Variants in PRKCA observed in about 807,000 individuals in gnomAD.
The protein encoded by PRKCA is protein kinase C alpha.
Under a neutral mutation model 87.0 loss-of-function variants are expected in PRKCA, and 27 were observed. That is an observed-to-expected ratio of 0.31 (90% CI 0.23 to 0.43). The LOEUF is 0.43. PRKCA is among the 20% of genes least tolerant of loss of function. The probability of loss-of-function intolerance (pLI) is 1.00; values close to 1 mark genes in which losing one functional copy is unlikely to be tolerated. For synonymous variants in PRKCA, 329 were observed against 311.1 expected, an observed-to-expected ratio of 1.06 and a Z score of -0.61; for missense variants, 518 against 852.3, an observed-to-expected ratio of 0.61 and a Z score of 4.88.
chr17:66,793,452 T>C (rs1221184958), intron 16 of PRKCA, among the ~76,000 whole-genome samples: 3 of 151,998 alleles, frequency 2.0e-5, no homozygotes, highest in African/African-American at 7.2e-5. Context: ...TAGCTGGGCA[T>C]GGTAGCACAC....
chr17:66,537,562 T>C (rs1267450129), intron 3 of PRKCA, among the ~76,000 whole-genome samples: 1 of 152,218 alleles, frequency 6.6e-6, no homozygotes, highest in African/African-American at 2.4e-5. Context: ...GAATGCCGTG[T>C]GGTCTTCAGA....
intron 8 of PRKCA, among the ~76,000 whole-genome samples, chr17:66,725,745 G>C (rs1023380663): frequency 2.0e-5 from 3 of 151,852 alleles, no homozygotes; most frequent in Non-Finnish European, 4.4e-5. Context: ...AGGAGGTTGA[G>C]GTTGCAGTGA....
chr17:66,748,059 A>T (rs1208926814), intron 13 of PRKCA, among the ~76,000 whole-genome samples: 1 of 152,206 alleles, frequency 6.6e-6, no homozygotes, highest in Non-Finnish European at 1.5e-5. Flanking sequence ...CTCAGCAGTA[A>T]CAGATGGTGC....
intron 2 of PRKCA, among the ~76,000 whole-genome samples, chr17:66,326,598 A>G (rs191589774): frequency 3.9e-5 from 6 of 152,186 alleles, no homozygotes; most frequent in Non-Finnish European, 8.8e-5. Context: ...AGCTGCTAGG[A>G]GCGCAGACAA....
intron 2 of PRKCA, among the ~76,000 whole-genome samples, chr17:66,467,672 T>C (rs914432819): frequency 6.6e-6 from 1 of 152,082 alleles, no homozygotes; most frequent in African/African-American, 2.4e-5. Context: ...ATCCTCCTGC[T>C]TCAACCTCCT....
At chr17:66,653,791 T>TAAAAAAAAAAAAAAAAAAAAAAAAA in intron 5 of PRKCA, among the ~76,000 whole-genome samples, 1 of 102,526 alleles carries the variant, frequency 9.8e-6, no homozygotes, top group Non-Finnish European at 2.0e-5. Flanking sequence ...TTCCAGCTCT[T>TAAAAAAAAAAAAAAAAAAAAAAAAA]AAAAAAAAAA....
At chr17:66,550,061 C>T (rs1309837253) in intron 3 of PRKCA, among the ~76,000 whole-genome samples, 5 of 152,058 alleles carry the variant, frequency 3.3e-5, no homozygotes, top group Admixed American at 6.5e-5. Flanking sequence ...TGAGAGAATC[C>T]CTGGCCTGTT....
At chr17:66,539,994 A>T (rs998077814) in intron 3 of PRKCA, among the ~76,000 whole-genome samples, 9 of 152,208 alleles carry the variant, frequency 5.9e-5, no homozygotes, top group Non-Finnish European at 1.3e-4. Context: ...TAATTTCGAA[A>T]ATCAATTTAA....
intron 3 of PRKCA, among the ~76,000 whole-genome samples, chr17:66,580,459 C>G (rs546174111): frequency 1.4e-4 from 22 of 152,294 alleles, no homozygotes; most frequent in African/African-American, 4.6e-4. Context: ...TCTTGGCTCT[C>G]CATATAGGCC....
chr17:66,541,190 T>C (rs1967973990), intron 3 of PRKCA, among the ~76,000 whole-genome samples: 1 of 152,150 alleles, frequency 6.6e-6, no homozygotes, highest in African/African-American at 2.4e-5. Context: ...AGGGGTTTTG[T>C]TTTATTTTTT....
chr17:66,380,167 T>C (rs779502372), intron 2 of PRKCA, among the ~76,000 whole-genome samples: 3,886 of 151,824 alleles, frequency 0.026, 59 homozygotes, highest in Non-Finnish European at 0.039. Flanking sequence ...GAGAAGCACA[T>C]AAGCAAAAAT....
chr17:66,472,168 T>G (rs1205559331), intron 2 of PRKCA, among the ~76,000 whole-genome samples: 1 of 152,176 alleles, frequency 6.6e-6, no homozygotes, highest in African/African-American at 2.4e-5. Flanking sequence ...CTTGCTATGT[T>G]GCCCAGGAGT....
chr17:66,499,280 G>A (rs996961135), intron 3 of PRKCA, among the ~76,000 whole-genome samples: 1 of 152,102 alleles, frequency 6.6e-6, no homozygotes, highest in African/African-American at 2.4e-5. Context: ...GAAGATCAGG[G>A]TAGGGAAACC....
At chr17:66,359,034 A>T (rs1413734771) in intron 2 of PRKCA, among the ~76,000 whole-genome samples, 1 of 152,076 alleles carries the variant, frequency 6.6e-6, no homozygotes. Flanking sequence ...TTGTTCTCAC[A>T]TTTCATGGGC....
chr17:66,561,152 G>T (rs1343006844), intron 3 of PRKCA, among the ~76,000 whole-genome samples: 1 of 152,122 alleles, frequency 6.6e-6, no homozygotes, highest in Non-Finnish European at 1.5e-5. Context: ...TACACTGATG[G>T]GATTAATCTG....
chr17:66,458,456 G>A (rs2143951923), intron 2 of PRKCA, among the ~76,000 whole-genome samples: 1 of 150,322 alleles, frequency 6.7e-6, no homozygotes, highest in East Asian at 2.0e-4. Context: ...ATCCTTTCAG[G>A]TTTGTCTTCT....
At chr17:66,498,921 T>A (rs1378969868) in intron 3 of PRKCA, among the ~76,000 whole-genome samples, 1 of 152,198 alleles carries the variant, frequency 6.6e-6, no homozygotes, top group Admixed American at 6.5e-5. Context: ...GCAAGGATTT[T>A]GGGCACAGGC....
chr17:66,696,183 G>A (rs1972916883), intron 8 of PRKCA, among the ~76,000 whole-genome samples: 1 of 152,162 alleles, frequency 6.6e-6, no homozygotes, highest in African/African-American at 2.4e-5. Flanking sequence ...TTGAGAAGTG[G>A]TATTGCATAG....
At chr17:66,652,131 G>GT (rs1971605842) in intron 5 of PRKCA, among the ~76,000 whole-genome samples, 3 of 151,826 alleles carry the variant, frequency 2.0e-5, no homozygotes, top group African/African-American at 4.8e-5. Context: ...GCTAATTTTT[G>GT]TTTTTTTGGT....
Sources: gnomAD v4.1 joint callset for allele counts (sites outside exome capture counted in the v4.1 genomes callset) on GRCh38, gnomAD v4.1.1 for gene constraint, MANE v1.5 for transcripts, NCBI Gene and HGNC (gene_info 2026-07-23, HGNC 2026-07-21) for gene names.